The following FHOD1 variants were observed in gnomAD, a reference collection of about 807,000 sequenced individuals.
FHOD1 encodes FH1/FH2 domain-containing protein 1.
Under a neutral mutation model 111.6 loss-of-function variants are expected in FHOD1, and 89 were observed. The ratio of observed to expected loss-of-function variants is 0.80; its 90% CI spans 0.67 to 0.95. The LOEUF (loss-of-function observed/expected upper bound fraction) is 0.95, where lower values mean the gene tolerates loss of function less well. Among genes scored for constraint, FHOD1 ranks in the 40% least tolerant of loss-of-function variants. FHOD1 has a pLI of 0.00. For missense variants in FHOD1, 1,446 were observed against 1,554.2 expected (o/e 0.93, Z 1.17); for synonymous variants, 618 against 639.0 (o/e 0.97, Z 0.50).
Position 67,247,401 on chromosome 16 carries a change from C to A in FHOD1, c.10G>T (p.Gly4Trp), listed in dbSNP as rs1307433020. 6.2e-7 allele frequency: 1 copy of A among 1,612,652 alleles called. No individual in the cohort carries two copies. The part of the protein sequence containing the change: MAG[G>W]EDRGDGEPVS... ...GGCTCTCCGTCCCCGCGGTCTTCCC[C>A]GCCCGCCATGGCTCTGCGGCCGGCT... is the stretch of plus-strand genomic sequence containing the variant. The change falls in exon 1 of 22, where the codon GGG (glycine) becomes TGG (tryptophan). Residue 4 changes from glycine (G) to tryptophan (W), a missense_variant. Transcript: ENST00000258201.
At chr16:67,240,639 C>T (rs2034638476) in intron 1 of FHOD1, among the ~76,000 whole-genome samples, 1 of 152,262 alleles carries the variant, frequency 6.6e-6, no homozygotes, top group African/African-American at 2.4e-5. Context: ...GTCCATGTTT[C>T]CCTCCCCGGG....
rs771000022 is a variant in FHOD1 at position 67,237,624 on chromosome 16, G to A, written c.754+33C>T. 4.3e-6 allele frequency: 7 copies of A among 1,613,092 alleles called. No homozygotes were observed. The South Asian group carries it at 7.7e-5, about 18-fold the overall frequency. ...GGGAACAGGTAGGAGAGAGGGCTCT[G>A]AGCGGTGGGGGGAGAAAGGGACAGT... On this transcript the variant is annotated intron_variant, in intron 7 of 21. Transcript: ENST00000258201. This position sits in a 1 kb window ranked among gnomAD's most constrained non-coding sequence, Gnocchi z 5.6.
intron 13 of FHOD1, among the ~76,000 whole-genome samples, 200 bp downstream of exon 13, chr16:67,233,457 G>C (rs896285291): frequency 1.3e-5 from 2 of 152,208 alleles, no homozygotes; most frequent in African/African-American, 4.8e-5. Context: ...ACAGGTGTGA[G>C]CCACCATGCC....
chr16:67,236,387 C>A, intron 11 of FHOD1, 170 bp downstream of exon 11: 1 of 1,454,858 alleles, frequency 6.9e-7, no homozygotes. Context: ...CAGAGCCGAA[C>A]CCCACCCGCT....
At chr16:67,242,623 C>T (rs1028700513) in intron 1 of FHOD1, among the ~76,000 whole-genome samples, 1 of 152,222 alleles carries the variant, frequency 6.6e-6, no homozygotes, top group Non-Finnish European at 1.5e-5. Flanking sequence ...GGCTTAAGCT[C>T]AGCACGTAGT....
chr16:67,232,102 C>T lies in FHOD1; in HGVS notation c.2139G>A (p.Val713=). 1 of 1,614,218 alleles carries T rather than the reference C, an allele frequency of 6.2e-7. No homozygotes were observed. The highest frequency in any genetic ancestry group is 8.5e-7 in the Non-Finnish European group (1 of 1,180,044). The change falls in exon 14 of 22, where the codon GTG becomes GTA. Residue 713 remains valine (V), a synonymous_variant. Transcript: ENST00000258201. ...INIGLTTLPP[V]HVIKAALLNF... ...TGAGCAGAGCAGCCTTAATGACATG[C>T]ACAGGTGGCAGTGTGGTTAGGCCGA...
In FHOD1 at chr16:67,247,412, G is replaced by A; in HGVS notation, c.-2C>T. On this transcript the variant is annotated 5_prime_UTR_variant, in exon 1 of 22. Transcript: ENST00000258201. Reference sequence around the variant, plus strand: ...CCCGCGGTCTTCCCCGCCCGCCATGGCTCTGCGGCCGGCTCACGCAGCGCG... The same window carrying A: ...CCCGCGGTCTTCCCCGCCCGCCATGACTCTGCGGCCGGCTCACGCAGCGCG... The A allele has an allele frequency of 1.2e-6, 2 of 1,612,176 alleles. No individual in the cohort carries two copies.
chr16:67,231,777 T>C lies in FHOD1; in HGVS notation c.2245A>G (p.Ile749Val). Residue 749 changes from isoleucine to valine, a missense_variant, in exon 15 of 22, where the codon ATT (isoleucine) becomes GTT (valine). By Grantham distance (29) the Ile-to-Val change is conservative (BLOSUM62 3). Coordinates refer to ENST00000258201, the MANE Select transcript of FHOD1 (RefSeq NM_013241.3). The surrounding 1 kb of genome is among the most constrained non-coding windows in gnomAD (Gnocchi z 4.3). ...MMPTEEERQK[I>V]EEAQLANPDI... ...GGGTTGGCCAGCTGGGCTTCCTCAA[T>C]CTTCTGCCGCTCTTCCTCCGTGGGC... is the stretch of plus-strand genomic sequence containing the variant. The C allele has an allele frequency of 6.2e-7, 1 of 1,613,710 alleles. No individual in the cohort carries two copies. Among genetic ancestry groups the C allele is most frequent in the South Asian group, 1.1e-5 (1 of 91,042 alleles).
chr16:67,229,854 C>T lies in FHOD1; in HGVS notation c.3351G>A (p.Lys1117=), dbSNP rs761208251. The part of the protein sequence containing the change: ...IMDLLVQSVT[K]SSPRALAARE... Reference sequence around the variant, plus strand: ...TAGCAGCTAAGGCACGAGGACTGCTCTTGGTCACTGACTGCACCAGAAGGT... The same window carrying T: ...TAGCAGCTAAGGCACGAGGACTGCTTTTGGTCACTGACTGCACCAGAAGGT... The change falls in exon 21 of 22, where the codon AAG becomes AAA. Residue 1117 remains lysine (K), a synonymous_variant. Transcript: ENST00000258201. 1.9e-6 allele frequency: 3 copies of T among 1,614,222 alleles called. No homozygotes were observed. The highest frequency in any genetic ancestry group is 2.5e-6 in the Non-Finnish European group (3 of 1,180,034).
In FHOD1 at chr16:67,230,782, C is replaced by T; in HGVS notation, c.2677G>A (p.Glu893Lys). 1 of 1,594,578 alleles carries T rather than the reference C, an allele frequency of 6.3e-7. No individual in the cohort carries two copies. Among genetic ancestry groups the T allele is most frequent in the Non-Finnish European group, 8.5e-7 (1 of 1,169,820 alleles). Residue 893 changes from glutamate (E) to lysine (K), a missense_variant, in exon 18 of 22, where the codon GAA becomes AAA. Physicochemically the swap from Glu to Lys is moderately conservative, Grantham distance 56 (BLOSUM62 1). Transcript: ENST00000258201. ...ALTRCAKVDFEQLTENLGQLE... is the reference protein window; with the variant it reads ...ALTRCAKVDFKQLTENLGQLE... ...TGCCCCAGGTTCTCAGTCAGCTGTT[C>T]AAAGTCCACCTGAGAAAGCAAGGGG...
intron 11 of FHOD1, among the ~76,000 whole-genome samples, chr16:67,235,556 G>C (rs1473987356): frequency 2.7e-5 from 4 of 149,948 alleles, no homozygotes; most frequent in Admixed American, 2.7e-4. Flanking sequence ...AAAAAAAAAC[G>C]GATGTGGTAA....
rs372303815 is a variant in FHOD1, at chr16:67,230,590, C to G, written c.2858+11G>C. The G allele has an allele frequency of 5.6e-6, 9 of 1,613,892 alleles. No individual in the cohort carries two copies. Reference sequence around the variant, plus strand: ...GTGGCCGTCCTGCCTCTCTTGGGTCCATGCCCCTACCTATTGCAGACACGG... The same window carrying G: ...GTGGCCGTCCTGCCTCTCTTGGGTCGATGCCCCTACCTATTGCAGACACGG... On this transcript the variant is annotated intron_variant, in intron 18 of 21. Coordinates refer to ENST00000258201, the MANE Select transcript of FHOD1 (RefSeq NM_013241.3).
chr16:67,230,440 C>T lies in FHOD1; in HGVS notation c.2925G>A (p.Gln975=), dbSNP rs1335012737. The T allele has an allele frequency of 6.2e-7, 1 of 1,614,256 alleles. No homozygotes were observed. The highest frequency in any genetic ancestry group is 2.2e-5 in the East Asian group (1 of 44,892). ...PQAAREVRIM[Q]FCHTLREFAL... The stretch of plus-strand genomic sequence containing the variant: ...CAAATTCCCGCAGCGTGTGGCAGAA[C>T]TGCATGATGCGCACTTCACGGGCCG... Residue 975 remains glutamine, a synonymous_variant, in exon 19 of 22, where the codon CAG becomes CAA. Coordinates refer to ENST00000258201, the MANE Select transcript of FHOD1 (RefSeq NM_013241.3).
In FHOD1 at chr16:67,230,695, C is replaced by T. The variant is rs2034229528; in HGVS notation, c.2764G>A (p.Ala922Thr). 9 of 1,613,846 alleles carry T rather than the reference C, an allele frequency of 5.6e-6. No individual in the cohort carries two copies. The highest frequency in any genetic ancestry group is 1.1e-5 in the South Asian group (1 of 91,052). Residue 922 changes from alanine (A) to threonine (T), a missense_variant, in exon 18 of 22, where the codon GCC becomes ACC. By Grantham distance (58) the Ala-to-Thr change is moderately conservative (BLOSUM62 0). Transcript: ENST00000258201. ...SLRSLAKHELAPALRARLTHF... is the reference protein window; with the variant it reads ...SLRSLAKHELTPALRARLTHF... ...GTGAGGCGGGCACGCAGGGCTGGGG[C>T]CAGCTCATGCTTGGCCAAGCTCCGC...
intron 1 of FHOD1, among the ~76,000 whole-genome samples, chr16:67,246,390 G>A (rs1047911079): frequency 6.6e-6 from 1 of 152,186 alleles, no homozygotes; most frequent in Non-Finnish European, 1.5e-5. Context: ...GGCTGCCTGC[G>A]GGGGGCTGAC....
Position 67,233,881 on chromosome 16 carries a change from C to A in FHOD1, c.1822G>T (p.Ala608Ser), listed in dbSNP as rs1243619674. ...TCAGGCACTGAATGGGGAAGAGGGG[C>A]AGCCAGAGGTAGAGGTGGAGGTGGT... ...FPPPPPLPLA[A>S]PLPHSVPDSS... The change falls in exon 13 of 22, where the codon GCC (alanine) becomes TCC (serine). Residue 608 changes from alanine to serine, a missense_variant. Ala to Ser is a moderately conservative substitution (Grantham distance 99, BLOSUM62 1). Transcript: ENST00000258201. The A allele has an allele frequency of 6.3e-7, 1 of 1,598,230 alleles. No homozygotes were observed. Among genetic ancestry groups the A allele is most frequent in the African/African-American group, 1.4e-5 (1 of 72,444 alleles).
chr16:67,238,373 G>A lies in FHOD1; in HGVS notation c.441+7C>T. ...ACACTTACCCCCAGCCCACTGCGGG[G>A]CCTCACCTGGAAGATCTGCTTCAGT... On this transcript the variant is annotated splice_region_variant and intron_variant, in intron 4 of 21. Coordinates refer to ENST00000258201, the MANE Select transcript of FHOD1 (RefSeq NM_013241.3). The surrounding 1 kb of genome is among the most constrained non-coding windows in gnomAD (Gnocchi z 4.2). 6.2e-7 allele frequency: 1 copy of A among 1,614,112 alleles called. No individual in the cohort carries two copies. Among genetic ancestry groups the A allele is most frequent in the Non-Finnish European group, 8.5e-7 (1 of 1,179,992 alleles).
chr16:67,236,740 G>C lies in FHOD1; in HGVS notation c.1143-7C>G. ...TGAGGCGGGGCCTGTGGGGCTGAAA[G>C]CAGGGGCTGTCAGTGGGGCGGGGCC... is the stretch of plus-strand genomic sequence containing the variant. On this transcript the variant is annotated splice_region_variant and splice_polypyrimidine_tract_variant and intron_variant, in intron 10 of 21. Transcript: ENST00000258201. 2 of 1,533,468 alleles carry C rather than the reference G, an allele frequency of 1.3e-6. No homozygotes were observed. Among genetic ancestry groups the C allele is most frequent in the Non-Finnish European group, 8.8e-7 (1 of 1,138,802 alleles). 95.0% of individuals were successfully genotyped at this position (1,533,468 alleles called of 1,614,324 possible). A position where few individuals can be genotyped will look rare whatever the true frequency, so the allele number is the denominator to read the frequency against.
rs1489151450 is a variant in FHOD1, at chr16:67,235,512, C to T, written c.1320-1040G>A. Among the ~76,000 whole-genome samples, 3 of 144,780 alleles carry T rather than the reference C, an allele frequency of 2.1e-5. No homozygotes were observed. In the Admixed American group the frequency reaches 2.1e-4, roughly 10 times the overall value. The allele number at this position is 144,780 out of a possible 152,430, so 95.0% of individuals were successfully genotyped here. A position where few individuals can be genotyped will look rare whatever the true frequency, so the allele number is the denominator to read the frequency against. On this transcript the variant is annotated intron_variant, in intron 11 of 21. Transcript: ENST00000258201. Reference sequence around the variant, plus strand: ...ACCACTGCACTCCAGCCTTGGAGACCGAGCAAGACTCTGTCTCAAAAAAAA... The same window carrying T: ...ACCACTGCACTCCAGCCTTGGAGACTGAGCAAGACTCTGTCTCAAAAAAAA...
Sources: allele counts gnomAD v4.1 joint callset (sites outside exome capture counted in the v4.1 genomes callset), GRCh38; gene constraint gnomAD v4.1.1; non-coding constraint Gnocchi (gnomAD v3.1); transcripts MANE v1.5; gene names NCBI Gene and HGNC (gene_info 2026-07-23, HGNC 2026-07-21).